The following CFAP410 variants were observed in gnomAD, a reference collection of about 807,000 sequenced individuals.
CFAP410 encodes the protein cilia- and flagella-associated protein 410.
Under a neutral mutation model 25.7 loss-of-function variants are expected in CFAP410, and 27 were observed. That is an observed-to-expected ratio of 1.05 (90% CI 0.77 to 1.45). CFAP410 has a LOEUF of 1.45. Among genes scored for constraint, CFAP410 ranks in the 40% most tolerant of loss-of-function variants. The pLI is 0.00. For missense variants in CFAP410, 428 were observed against 354.1 expected, an observed-to-expected ratio of 1.21 and a Z score of -1.67; for synonymous variants, 178 against 158.4, an observed-to-expected ratio of 1.12 and a Z score of -0.93.
At chr21:44,333,407 G>A (rs377539637) in intron 3 of CFAP410, 145 bp from the exon 4 acceptor site, 8 of 665,242 alleles carry the variant, frequency 1.2e-5, no homozygotes, top group Admixed American at 2.6e-5. Flanking sequence ...CACAAGTCAC[G>A]TGCAGCAGGA....
At chr21:44,337,626 T>TA in intron 2 of CFAP410, 23 bp downstream of exon 2, 3 of 1,609,014 alleles carry the variant, frequency 1.9e-6, no homozygotes, top group African/African-American at 2.7e-5. Flanking sequence ...GTGCAATACT[T>TA]ACATCTGTGA....
chr21:44,339,118 C>T lies in CFAP410; in HGVS notation c.77G>A (p.Trp26Ter), dbSNP rs770018578. ...CGGCCGCGGCCAGGCCCCGCCTCAC[C>T]AGCAGTTGAGCTTGCGCACGCTGTG... Reference protein sequence around the residue: ...ELHSVRKLNCWGSRLTDISIC... With the variant: ...ELHSVRKLNC Residue 26 changes from tryptophan to a stop codon, truncating the protein, a stop_gained and splice_region_variant, in exon 1 of 7, where the codon TGG becomes TAG. Coordinates refer to ENST00000339818, the MANE Select transcript of CFAP410 (RefSeq NM_004928.3). LOFTEE classifies it high-confidence loss of function. The T allele has an allele frequency of 1.4e-6, 2 of 1,455,910 alleles. No individual in the cohort carries two copies. Among genetic ancestry groups the T allele is most frequent in the South Asian group, 2.7e-5 (2 of 73,930 alleles). The allele number at this position is 1,455,910 out of a possible 1,614,324, so 90.2% of individuals were successfully genotyped here. A position where few individuals can be genotyped will look rare whatever the true frequency, so the allele number is the denominator to read the frequency against.
At chr21:44,333,542 C>G in intron 3 of CFAP410, 1 of 533,050 alleles carries the variant, frequency 1.9e-6, no homozygotes, top group Non-Finnish European at 3.3e-6. Context: ...CGCTAGAGTG[C>G]GGGAGGTGGG....
In CFAP410 at chr21:44,329,572, A is replaced by C. The variant is rs1260800272; in HGVS notation, c.*626T>G. 6.6e-6 allele frequency: 1 copy of C among 152,386 alleles called. No individual in the cohort carries two copies. Among genetic ancestry groups the C allele is most frequent in the East Asian group, 1.9e-4 (1 of 5,190 alleles). The allele number at this position is 152,386 out of a possible 1,614,324, so 9.4% of individuals were successfully genotyped here. A position where few individuals can be genotyped will look rare whatever the true frequency, so the allele number is the denominator to read the frequency against. On this transcript the variant is annotated 3_prime_UTR_variant, in exon 7 of 7. Coordinates refer to ENST00000339818, the MANE Select transcript of CFAP410 (RefSeq NM_004928.3). The stretch of plus-strand genomic sequence containing the variant: ...AGGGCGAACAGGCCTGTTCATCCAC[A>C]ACCTCACAGCTGAGGGCCCTCCTGC...
chr21:44,330,507 G>A (rs1034706183), intron 6 of CFAP410, 181 bp from the exon 7 acceptor site: 95 of 1,545,656 alleles, frequency 6.1e-5, no homozygotes, highest in Non-Finnish European at 7.5e-5. Flanking sequence ...GCCTGTGGAC[G>A]CGTGTGTGGC....
chr21:44,334,382 A>C (rs1473000739), intron 3 of CFAP410: 2 of 418,090 alleles, frequency 4.8e-6, no homozygotes, highest in East Asian at 1.4e-4. Flanking sequence ...GGGAACCACA[A>C]GCTCCACGTT....
At chr21:44,336,486 CT>C (rs1406630398) in intron 2 of CFAP410, among the ~76,000 whole-genome samples, 5 of 152,150 alleles carry the variant, frequency 3.3e-5, no homozygotes, top group Admixed American at 1.3e-4. Flanking sequence ...CACATTGGTA[CT>C]GTCAATTCAG....
In CFAP410 at chr21:44,333,240, C is replaced by T; in HGVS notation, c.166G>A (p.Glu56Lys). ...AGGCGCTGGCACCGGCTCACAGGCT[C>T]CAGGGTGGAGATGCTGTTGACACTG... ...TLSVNSISTL[E>K]PVSRCQRLSE... Residue 56 changes from glutamate (E) to lysine (K), a missense_variant, in exon 4 of 7, where the codon GAG becomes AAG. Coordinates refer to ENST00000339818, the MANE Select transcript of CFAP410 (RefSeq NM_004928.3). 2 of 1,612,206 alleles carry T rather than the reference C, an allele frequency of 1.2e-6. No individual in the cohort carries two copies. The highest frequency in any genetic ancestry group is 1.7e-6 in the Non-Finnish European group (2 of 1,179,678).
At chr21:44,337,616 G>A in intron 2 of CFAP410, 33 bp downstream of exon 2, 1 of 1,604,696 alleles carries the variant, frequency 6.2e-7, no homozygotes, top group Non-Finnish European at 8.5e-7. Flanking sequence ...GAGATGATCA[G>A]TGCAATACTT....
At chr21:44,331,087 C>G in intron 5 of CFAP410, 168 bp from the exon 6 acceptor site, 1 of 647,612 alleles carries the variant, frequency 1.5e-6, no homozygotes, top group Non-Finnish European at 2.6e-6. Flanking sequence ...TCAGGGGCTA[C>G]AGATGGCAGC....
Position 44,330,193 on chromosome 21 carries a change from T to C in CFAP410, c.*5A>G. 1 of 1,559,314 alleles carries C rather than the reference T, an allele frequency of 6.4e-7. No individual in the cohort carries two copies. On this transcript the variant is annotated 3_prime_UTR_variant, in exon 7 of 7. Transcript: ENST00000339818. The stretch of plus-strand genomic sequence containing the variant: ...GGAGGCTGGAGCGGCGTTCAGGTCC[T>C]GCGGTCACTCGGCGTGCTCCTGCAC...
intron 2 of CFAP410, 182 bp from the exon 3 acceptor site, chr21:44,335,986 C>T (rs1164268824): frequency 3.7e-6 from 2 of 545,810 alleles, no homozygotes; most frequent in Non-Finnish European, 6.6e-6. Flanking sequence ...CGGCCCTGCT[C>T]AGCCAGTGTG....
At chr21:44,337,771 A>C in intron 1 of CFAP410, 104 bp from the exon 2 acceptor site, 1 of 917,884 alleles carries the variant, frequency 1.1e-6, no homozygotes, top group Non-Finnish European at 1.7e-6. Context: ...AAACCTTAAG[A>C]TTCTAGGATT....
At chr21:44,337,809 G>T (rs1041217198) in intron 1 of CFAP410, 142 bp from the exon 2 acceptor site, 7 of 678,118 alleles carry the variant, frequency 1.0e-5, no homozygotes, top group African/African-American at 9.0e-5. Context: ...AAGGAAGGTT[G>T]CCCAGATAAC....
At position 44,338,233 on chromosome 21, in the gene CFAP410, C is replaced by T. The variant is rs547713142; in HGVS notation, c.78-566G>A. ...TTTTTAATTAACAGGGAAGAGCTCACTCTGGGCAGTCTGCGGACACCCCTG... is the reference window on the plus strand; with the variant it reads ...TTTTTAATTAACAGGGAAGAGCTCATTCTGGGCAGTCTGCGGACACCCCTG... On this transcript the variant is annotated intron_variant, in intron 1 of 6. Coordinates refer to ENST00000339818, the MANE Select transcript of CFAP410 (RefSeq NM_004928.3). The T allele has an allele frequency of 1.9e-4, 232 of 1,244,468 alleles. 3 individuals carry two copies. The South Asian group carries it at 2.9e-3, about 15-fold the overall frequency. The allele number at this position is 1,244,468 out of a possible 1,614,324, so 77.1% of individuals were successfully genotyped here.
intron 2 of CFAP410, 124 bp downstream of exon 2, chr21:44,337,525 G>A (rs977567112): frequency 1.4e-5 from 11 of 766,084 alleles, no homozygotes; most frequent in South Asian, 5.0e-5. Context: ...CCAAGTGTGG[G>A]ACTGAATTGA....
intron 4 of CFAP410, chr21:44,332,611 G>A (rs930137605): frequency 9.4e-5 from 17 of 181,032 alleles, no homozygotes; most frequent in Admixed American, 4.6e-4. Flanking sequence ...CGATGGCACC[G>A]CCACCCTAGG....
chr21:44,338,423 G>A (rs979343098), intron 1 of CFAP410: 5 of 716,822 alleles, frequency 7.0e-6, no homozygotes, highest in Non-Finnish European at 1.1e-5. Flanking sequence ...GGCTCAGTGA[G>A]ACTCAGCATT....
chr21:44,329,046 C>T lies in CFAP410; in HGVS notation c.*1152G>A, dbSNP rs1268933861. 6.6e-6 allele frequency: 1 copy of T among 152,554 alleles called. No individual in the cohort carries two copies. Among genetic ancestry groups the T allele is most frequent in the Non-Finnish European group, 1.5e-5 (1 of 68,310 alleles). The allele number at this position is 152,554 out of a possible 1,614,324, so 9.5% of individuals were successfully genotyped here. On this transcript the variant is annotated 3_prime_UTR_variant, in exon 7 of 7. Transcript: ENST00000339818. ...CCCTCTATGTCCCGAGTGGTGACTC[C>T]ACTCCCCACTGCTCAGAGATCACAC... is the stretch of plus-strand genomic sequence containing the variant.
Sources: allele counts gnomAD v4.1 joint callset (sites outside exome capture counted in the v4.1 genomes callset), GRCh38; gene constraint gnomAD v4.1.1; transcripts MANE v1.5; gene names NCBI Gene and HGNC (gene_info 2026-07-23, HGNC 2026-07-21).